Variants in TASP1 observed in about 807,000 individuals in gnomAD.
TASP1 encodes the protein threonine aspartase 1.
TASP1 carries 16 observed loss-of-function variants against 56.6 expected under a neutral mutation model. The ratio of observed to expected loss-of-function variants is 0.28; its 90% CI spans 0.19 to 0.43. The LOEUF is 0.43. Among genes scored for constraint, TASP1 ranks in the 20% least tolerant of loss-of-function variants. The pLI is 1.00. For synonymous variants in TASP1, 179 were observed against 184.2 expected, an observed-to-expected ratio of 0.97 and a Z score of 0.23; for missense variants, 393 against 511.6, an observed-to-expected ratio of 0.77 and a Z score of 2.24.
intron 13 of TASP1, among the ~76,000 whole-genome samples, chr20:13,403,796 C>A (rs1174226964): frequency 6.6e-6 from 1 of 152,090 alleles, no homozygotes; most frequent in Non-Finnish European, 1.5e-5. Flanking sequence ...GCTGGAGGAT[C>A]TCTTGAACCC....
At chr20:13,471,432 T>C (rs779832056) in intron 11 of TASP1, among the ~76,000 whole-genome samples, 1 of 152,316 alleles carries the variant, frequency 6.6e-6, no homozygotes, top group African/African-American at 2.4e-5. Flanking sequence ...GACATTCCTA[T>C]AATTTCTTAT....
chr20:13,275,612 T>C, the TASP1 span, among the ~76,000 whole-genome samples: 199 of 152,254 alleles, frequency 1.3e-3, no homozygotes, highest in African/African-American at 4.6e-3. Context: ...GTCTATAAAA[T>C]TGGAATGACA....
chr20:13,388,667 A>T (rs985515882), downstream of TASP1, among the ~76,000 whole-genome samples: 4 of 152,226 alleles, frequency 2.6e-5, no homozygotes, highest in African/African-American at 9.6e-5. Context: ...AACAGGTAAC[A>T]GGTCTTCAAA....
intron 13 of TASP1, among the ~76,000 whole-genome samples, chr20:13,395,149 G>T (rs1402851375): frequency 4.6e-5 from 7 of 152,186 alleles, no homozygotes; most frequent in Non-Finnish European, 1.0e-4. Flanking sequence ...ATCATTGGAG[G>T]CATGAGCAAC....
At chr20:13,503,396 G>A (rs1003755563) in intron 10 of TASP1, among the ~76,000 whole-genome samples, 5 of 152,006 alleles carry the variant, frequency 3.3e-5, no homozygotes, top group Non-Finnish European at 4.4e-5. Flanking sequence ...AAACAAAAGC[G>A]AATAAAAGAC....
chr20:13,358,088 T>A, the TASP1 span, among the ~76,000 whole-genome samples: 15,548 of 152,042 alleles, frequency 0.1, 969 homozygotes, highest in African/African-American at 0.18. Context: ...TTTGCCTGGC[T>A]CATCCTGGCT....
chr20:13,213,035 G>A, the TASP1 span, among the ~76,000 whole-genome samples: 1 of 152,096 alleles, frequency 6.6e-6, no homozygotes, highest in African/African-American at 2.4e-5. Flanking sequence ...TCTCTGATGT[G>A]GCATCTTAGA....
intron 10 of TASP1, among the ~76,000 whole-genome samples, chr20:13,496,849 G>A (rs539540723): frequency 9.2e-5 from 14 of 152,084 alleles, no homozygotes; most frequent in Non-Finnish European, 2.9e-5. Flanking sequence ...GTTTTTTAAC[G>A]AAAATGCACA....
chr20:13,143,843 T>A, the TASP1 span, among the ~76,000 whole-genome samples: 1 of 152,242 alleles, frequency 6.6e-6, no homozygotes, highest in Non-Finnish European at 1.5e-5. Flanking sequence ...TCCTTTGTCT[T>A]CTTGCCACAA....
the TASP1 span, chr20:13,238,951 TC>T: frequency 1.3e-5 from 2 of 152,158 alleles, no homozygotes; most frequent in Middle Eastern, 3.2e-3. Flanking sequence ...CCCTCTCTGC[TC>T]CCCTCACTGG....
At chr20:13,596,580 G>GA (rs2047741227) in intron 4 of TASP1, among the ~76,000 whole-genome samples, 1 of 152,020 alleles carries the variant, frequency 6.6e-6, no homozygotes, top group Admixed American at 6.6e-5. Flanking sequence ...GAGAAAACAG[G>GA]AAAAATCCAA....
the TASP1 span, among the ~76,000 whole-genome samples, chr20:13,336,371 C>T: frequency 6.6e-6 from 1 of 152,196 alleles, no homozygotes; most frequent in East Asian, 1.9e-4. Context: ...CCCGTCCTGC[C>T]CCCTGCCTCC....
chr20:13,559,013 C>T lies in TASP1; in HGVS notation c.670G>A (p.Glu224Lys), dbSNP rs2046255243. 1 of 1,580,058 alleles carries T rather than the reference C, an allele frequency of 6.3e-7. No homozygotes were observed. The highest frequency in any genetic ancestry group is 8.6e-7 in the Non-Finnish European group (1 of 1,161,908). ...TATTTCAAACACCACCTGACCTTCT[C>T]ACTTGATTGTCTTCTTTTCTTTAGT... The part of the protein sequence containing the change: ...MQLKKRRQSS[E>K]KENDSGTLDT... The change falls in exon 8 of 14, where the codon GAG becomes AAG. Residue 224 changes from glutamate (E) to lysine (K), a missense_variant. By Grantham distance (56) the Glu-to-Lys change is moderately conservative. This residue lies in a region of TASP1 where 293 missense variants were observed against 354.2 expected (regional missense o/e 0.83). Transcript: ENST00000337743.
rs149572584 is a variant in TASP1 at position 13,423,135 on chromosome 20, T to G, written c.1097-5614A>C. Among the ~76,000 whole-genome samples, 241 of 152,334 alleles carry G rather than the reference T, an allele frequency of 1.6e-3. 1 individual carries two copies. The highest frequency in any genetic ancestry group is 5.6e-3 in the African/African-American group (233 of 41,586). On this transcript the variant is annotated intron_variant, in intron 12 of 13. Coordinates refer to ENST00000337743, the MANE Select transcript of TASP1 (RefSeq NM_017714.3). ...ACCAATTAATTGCCTATTGGACATA[T>G]GTATAACTATGATACTGTATACAAT...
the TASP1 span, among the ~76,000 whole-genome samples, chr20:13,311,511 A>G: frequency 3.3e-5 from 5 of 152,246 alleles, no homozygotes; most frequent in Non-Finnish European, 7.3e-5. Context: ...ATTATACTCA[A>G]TAGCTGAGAT....
chr20:13,281,361 C>T, the TASP1 span, among the ~76,000 whole-genome samples: 1 of 152,182 alleles, frequency 6.6e-6, no homozygotes, highest in African/African-American at 2.4e-5. Flanking sequence ...GAAACCTTCA[C>T]CTTTCCCAAA....
the TASP1 span, among the ~76,000 whole-genome samples, chr20:13,175,441 C>T: frequency 3.3e-5 from 5 of 152,186 alleles, no homozygotes; most frequent in African/African-American, 1.2e-4. Context: ...CCTCTTTGTT[C>T]CAGTTTCCTT....
the TASP1 span, among the ~76,000 whole-genome samples, chr20:13,328,352 G>A: frequency 8.5e-5 from 13 of 152,224 alleles, no homozygotes; most frequent in African/African-American, 3.1e-4. Flanking sequence ...CTGTTACATT[G>A]TTGGTGGGAG....
the TASP1 span, among the ~76,000 whole-genome samples, chr20:13,257,751 C>A: frequency 6.6e-6 from 1 of 151,202 alleles, no homozygotes; most frequent in Non-Finnish European, 1.5e-5. Flanking sequence ...CCCTACCAAA[C>A]CAAGTCAGGG....
Sources: allele counts gnomAD v4.1 joint callset (sites outside exome capture counted in the v4.1 genomes callset), GRCh38; gene constraint gnomAD v4.1.1; regional missense constraint gnomAD v4.1.1; transcripts MANE v1.5; gene names NCBI Gene and HGNC (gene_info 2026-07-23, HGNC 2026-07-21).